Variants in TTL observed in about 807,000 individuals in gnomAD.
TTL encodes tubulin tyrosine ligase, also known as tubulin--tyrosine ligase.
Under a neutral mutation model 41.1 loss-of-function variants are expected in TTL, and 10 were observed. The ratio of observed to expected loss-of-function variants is 0.24; its 90% CI spans 0.15 to 0.41. The LOEUF is 0.41. Among genes scored for constraint, TTL ranks in the 10% least tolerant of loss-of-function variants. The pLI is 1.00. For missense variants in TTL, 367 were observed against 460.4 expected, an observed-to-expected ratio of 0.80 and a Z score of 1.86; for synonymous variants, 175 against 175.5, an observed-to-expected ratio of 1.00 and a Z score of 0.02.
At chr2:112,483,166 G>C (rs1681141407) in intron 1 of TTL, 2 of 152,196 alleles carry the variant, frequency 1.3e-5, no homozygotes, top group Admixed American at 6.6e-5. Flanking sequence ...GATCTTACAC[G>C]AGGCTGCGTT....
chr2:112,500,354 C>T (rs1681655903), intron 3 of TTL, among the ~76,000 whole-genome samples: 1 of 151,962 alleles, frequency 6.6e-6, no homozygotes, highest in South Asian at 2.1e-4. Context: ...AGGCAGATCA[C>T]GAGGTCAGAA....
chr2:112,515,212 A>G (rs1385453962), intron 5 of TTL, among the ~76,000 whole-genome samples: 2 of 152,218 alleles, frequency 1.3e-5, no homozygotes, highest in Non-Finnish European at 2.9e-5. Context: ...AATCCAGAGT[A>G]TGCCCTGTGT....
chr2:112,533,880 T>C lies in TTL; in HGVS notation c.*5085T>C, dbSNP rs1012534424. The C allele has an allele frequency of 6.6e-6, 1 of 152,206 alleles. No homozygotes were observed. Among genetic ancestry groups the C allele is most frequent in the Non-Finnish European group, 1.5e-5 (1 of 68,040 alleles). 9.4% of individuals were successfully genotyped at this position (152,206 alleles called of 1,614,324 possible). A position where few individuals can be genotyped will look rare whatever the true frequency, so the allele number is the denominator to read the frequency against. ...AACCCCTCTCCAATGCAATACATAG[T>C]AGCAGAACTTGAAGATTGTTGCAAG... On this transcript the variant is annotated 3_prime_UTR_variant, in exon 7 of 7. Coordinates refer to ENST00000233336, the MANE Select transcript of TTL (RefSeq NM_153712.5).
intron 3 of TTL, among the ~76,000 whole-genome samples, chr2:112,495,773 G>C (rs1028521815): frequency 6.6e-6 from 1 of 152,154 alleles, no homozygotes; most frequent in African/African-American, 2.4e-5. Context: ...CGTGAACCCG[G>C]GAAGTGGAGC....
chr2:112,509,645 G>A (rs940691142), intron 5 of TTL, among the ~76,000 whole-genome samples: 6 of 152,142 alleles, frequency 3.9e-5, no homozygotes, highest in Non-Finnish European at 5.9e-5. Context: ...CGCTTCCCAG[G>A]TGAGGCAATG....
At chr2:112,519,458 A>G (rs893949102) in intron 5 of TTL, among the ~76,000 whole-genome samples, 6 of 152,018 alleles carry the variant, frequency 3.9e-5, no homozygotes, top group Non-Finnish European at 8.8e-5. Context: ...CTACATTTCA[A>G]CATTTAGTTT....
At chr2:112,486,794 T>G (rs1681251179) in intron 2 of TTL, among the ~76,000 whole-genome samples, 1 of 152,214 alleles carries the variant, frequency 6.6e-6, no homozygotes. Context: ...AGGTGATGCA[T>G]GTAAAGTTTA....
Position 112,520,439 on chromosome 2 carries a change from T to A in TTL, c.1019+14T>A. 1 of 1,610,412 alleles carries A rather than the reference T, an allele frequency of 6.2e-7. No homozygotes were observed. The highest frequency in any genetic ancestry group is 8.5e-7 in the Non-Finnish European group (1 of 1,177,624). On this transcript the variant is annotated intron_variant, in intron 6 of 6. Transcript: ENST00000233336. Reference sequence around the variant, plus strand: ...TGCATGTGCTCAGTAAGCCTGCACGTCATTGTGTTTTTACAAGTGGGAAGT... The same window carrying A: ...TGCATGTGCTCAGTAAGCCTGCACGACATTGTGTTTTTACAAGTGGGAAGT...
Position 112,520,432 on chromosome 2 carries a change from C to G in TTL, c.1019+7C>G, listed in dbSNP as rs749430063. The stretch of plus-strand genomic sequence containing the variant: ...GTGCCCCTGCATGTGCTCAGTAAGC[C>G]TGCACGTCATTGTGTTTTTACAAGT... On this transcript the variant is annotated splice_region_variant and intron_variant, in intron 6 of 6. Coordinates refer to ENST00000233336, the MANE Select transcript of TTL (RefSeq NM_153712.5). 36 of 1,612,214 alleles carry G rather than the reference C, an allele frequency of 2.2e-5. No individual in the cohort carries two copies. The highest frequency in any genetic ancestry group is 3.0e-5 in the Non-Finnish European group (35 of 1,178,840).
chr2:112,512,926 G>A (rs143153352), intron 5 of TTL, among the ~76,000 whole-genome samples: 12 of 148,550 alleles, frequency 8.1e-5, no homozygotes, highest in Non-Finnish European at 1.6e-4. Context: ...TTTTCCTGTT[G>A]AGTATTTGGC....
intron 2 of TTL, 86 bp downstream of exon 2, chr2:112,486,081 C>T (rs867393222): frequency 7.4e-7 from 1 of 1,356,038 alleles, no homozygotes; most frequent in Non-Finnish European, 1.0e-6. Context: ...GACAAACATA[C>T]TTTTATTTTA....
chr2:112,526,036 G>A (rs546249672), intron 6 of TTL, among the ~76,000 whole-genome samples: 1 of 152,208 alleles, frequency 6.6e-6, no homozygotes, highest in African/African-American at 2.4e-5. Flanking sequence ...TGCATCTATT[G>A]AGATAATCAT....
chr2:112,515,565 A>T (rs1010434957), intron 5 of TTL, among the ~76,000 whole-genome samples: 1 of 152,206 alleles, frequency 6.6e-6, no homozygotes, highest in Non-Finnish European at 1.5e-5. Context: ...GTTTTCAGTT[A>T]TGCATGTACT....
At chr2:112,517,857 A>G (rs1273144701) in intron 5 of TTL, among the ~76,000 whole-genome samples, 1 of 151,366 alleles carries the variant, frequency 6.6e-6, no homozygotes, top group African/African-American at 2.4e-5. Flanking sequence ...AATTGGGAGG[A>G]TCGCTTGAGC....
Position 112,513,635 on chromosome 2 carries a change from G to GTATA in TTL, c.876-6647_876-6646insTATA, listed in dbSNP as rs1559017335. 2.2e-3 allele frequency among the ~76,000 whole-genome samples: 329 copies of GTATA among 148,800 alleles called. 2 individuals carry two copies. Among genetic ancestry groups the GTATA allele is most frequent in the South Asian group, 3.8e-3 (18 of 4,756 alleles). On this transcript the variant is annotated intron_variant, in intron 5 of 6. Transcript: ENST00000233336. ...TAAGTATAAATATTTATACAAGTATGAATATTTATACAAGTATAAATATAA... is the reference window on the plus strand; with the variant it reads ...TAAGTATAAATATTTATACAAGTATGTATAAATATTTATACAAGTATAAATATAA...
intron 6 of TTL, chr2:112,521,266 C>T (rs1682218736): frequency 1.0e-6 from 1 of 985,248 alleles, no homozygotes; most frequent in East Asian, 1.1e-4. Context: ...AGAACCTGCT[C>T]TCCGGAACTT....
rs560639242 is a variant in TTL, at chr2:112,485,312, T to TA, written c.158-597dup. ...TTGTGTCCTTTCTGCTCTAATTCTA[T>TA]AAAAAAAAGCCACATGTAATAAGAG... On this transcript the variant is annotated intron_variant, in intron 1 of 6. Transcript: ENST00000233336. Among the ~76,000 whole-genome samples, 107 of 152,094 alleles carry TA rather than the reference T, an allele frequency of 7.0e-4. 2 individuals carry two copies. Among genetic ancestry groups the TA allele is most frequent in the Admixed American group, 4.4e-3 (67 of 15,264 alleles).
At chr2:112,523,783 T>C (rs971508473) in intron 6 of TTL, among the ~76,000 whole-genome samples, 1 of 150,890 alleles carries the variant, frequency 6.6e-6, no homozygotes, top group African/African-American at 2.4e-5. Flanking sequence ...TTTTTTTTTC[T>C]TTATTTTTTT....
chr2:112,497,802 A>G (rs563981926), intron 3 of TTL, among the ~76,000 whole-genome samples: 9 of 152,268 alleles, frequency 5.9e-5, no homozygotes, highest in African/African-American at 2.2e-4. Context: ...AAAGCATGAG[A>G]TCCAGGTAGA....
Sources: gnomAD v4.1 joint callset for allele counts (sites outside exome capture counted in the v4.1 genomes callset) on GRCh38, gnomAD v4.1.1 for gene constraint, MANE v1.5 for transcripts, NCBI Gene and HGNC (gene_info 2026-07-23, HGNC 2026-07-21) for gene names.